Variants in ABCA4 observed in about 807,000 individuals in gnomAD.
ABCA4 encodes ATP binding cassette subfamily A member 4.
ABCA4 carries 196 observed loss-of-function variants against 263.7 expected under a neutral mutation model. The observed-to-expected ratio is 0.74, with a 90% CI of 0.66 to 0.84. ABCA4 has a LOEUF of 0.84. Among genes scored for constraint, ABCA4 ranks in the 40% least tolerant of loss-of-function variants. The pLI is 0.00. For synonymous variants in ABCA4, 1,133 were observed against 1,094.2 expected, an observed-to-expected ratio of 1.04 and a Z score of -0.70; for missense variants, 2,792 against 2,855.1, an observed-to-expected ratio of 0.98 and a Z score of 0.50.
At chr1:94,000,973 C>T in intron 46 of ABCA4, 29 bp downstream of exon 46, 2 of 1,614,044 alleles carry the variant, frequency 1.2e-6, no homozygotes, top group Non-Finnish European at 1.7e-6. Context: ...GATTCCCACC[C>T]ACCTTCCCCA....
intron 10 of ABCA4, 69 bp from the exon 11 acceptor site, chr1:94,077,956 GC>G: frequency 6.7e-7 from 1 of 1,489,894 alleles, no homozygotes; most frequent in Non-Finnish European, 9.3e-7. Context: ...TTGTTCTTCA[GC>G]CATTTCTAAT....
In ABCA4 at chr1:94,042,830, C is replaced by T. The variant is rs61751398; in HGVS notation, c.3259G>A (p.Glu1087Lys). 39 of 1,614,036 alleles carry T rather than the reference C, an allele frequency of 2.4e-5. No homozygotes were observed. Among genetic ancestry groups the T allele is most frequent in the South Asian group, 6.6e-5 (6 of 91,088 alleles). ...TAAGGGTCCACCCCAGAGGTGGGTT[C>T]GTCCAGAATCACCACCTTGGCATCT... is the stretch of plus-strand genomic sequence containing the variant. The part of the protein sequence containing the change: ...VGDAKVVILD[E>K]PTSGVDPYSR... The change falls in exon 22 of 50, where the codon GAA (glutamate) becomes AAA (lysine). Residue 1087 changes from glutamate (E) to lysine (K), a missense_variant. Transcript: ENST00000370225.
intron 3 of ABCA4, 148 bp from the exon 4 acceptor site, chr1:94,108,864 C>T: frequency 9.7e-7 from 1 of 1,032,728 alleles, no homozygotes; most frequent in Non-Finnish European, 1.4e-6. Context: ...GCTCTGCCCC[C>T]CGGGTTCACG....
intron 14 of ABCA4, among the ~76,000 whole-genome samples, chr1:94,059,130 A>G (rs1235127966): frequency 6.6e-6 from 1 of 152,252 alleles, no homozygotes; most frequent in Non-Finnish European, 1.5e-5. Flanking sequence ...CTGCTTATCA[A>G]CAAGCCAGGC....
At chr1:94,013,824 C>A (rs1328801878) in intron 38 of ABCA4, among the ~76,000 whole-genome samples, 2 of 152,118 alleles carry the variant, frequency 1.3e-5, no homozygotes, top group Non-Finnish European at 2.9e-5. Context: ...CAGAGTGTTA[C>A]AATTTCCATA....
intron 26 of ABCA4, among the ~76,000 whole-genome samples, chr1:94,032,374 C>T (rs932718547): frequency 3.9e-5 from 6 of 152,194 alleles, no homozygotes; most frequent in Non-Finnish European, 5.9e-5. Context: ...CGGAGGCTCA[C>T]GCCTGTCATC....
chr1:94,081,815 A>T (rs572521954), intron 7 of ABCA4, among the ~76,000 whole-genome samples: 30 of 152,310 alleles, frequency 2.0e-4, no homozygotes, highest in Non-Finnish European at 3.5e-4. Flanking sequence ...AGAACTCAGG[A>T]GAAGGCTGGT....
At chr1:94,027,438 C>G (rs1660072727) in intron 30 of ABCA4, among the ~76,000 whole-genome samples, 1 of 152,192 alleles carries the variant, frequency 6.6e-6, no homozygotes, top group Non-Finnish European at 1.5e-5. Context: ...GAGGCAGCCA[C>G]AGGAGCCCTC....
chr1:94,043,543 A>G (rs1660579998), intron 20 of ABCA4, 68 bp from the exon 21 acceptor site: 7 of 1,597,750 alleles, frequency 4.4e-6, no homozygotes, highest in Non-Finnish European at 6.0e-6. Flanking sequence ...GATCTTACAG[A>G]AATAATTGAG....
rs1662326723 is a variant in ABCA4, at chr1:94,103,032, G to C, written c.553C>G (p.Gln185Glu). 2 of 1,614,218 alleles carry C rather than the reference G, an allele frequency of 1.2e-6. No homozygotes were observed. The highest frequency in any genetic ancestry group is 2.7e-5 in the African/African-American group (2 of 75,068). Residue 185 changes from glutamine to glutamate, a missense_variant, in exon 5 of 50, where the codon CAA becomes GAA. Gln to Glu is a conservative substitution (Grantham distance 29). Coordinates refer to ENST00000370225, the MANE Select transcript of ABCA4 (RefSeq NM_000350.3). ...CCCCCTACCTGCTCTGGACGGACTTGAGAGTTGATCAGAAGGTAGACCACT... is the reference window on the plus strand; with the variant it reads ...CCCCCTACCTGCTCTGGACGGACTTCAGAGTTGATCAGAAGGTAGACCACT... ...DSVVYLLINS[Q>E]VRPEQFAHGV...
chr1:94,000,803 G>A (rs183744912), intron 47 of ABCA4, 33 bp downstream of exon 47: 7 of 1,604,404 alleles, frequency 4.4e-6, no homozygotes, highest in East Asian at 4.5e-5. Flanking sequence ...ATCCACAGAA[G>A]GCAACAAGGG....
chr1:94,027,124 C>T (rs531906252), intron 30 of ABCA4, among the ~76,000 whole-genome samples: 23 of 152,096 alleles, frequency 1.5e-4, no homozygotes, highest in African/African-American at 4.8e-4. Flanking sequence ...TGTGCATATG[C>T]GTGGCATTCA....
intron 11 of ABCA4, among the ~76,000 whole-genome samples, chr1:94,068,983 G>T (rs1284946909): frequency 6.6e-6 from 1 of 152,214 alleles, no homozygotes; most frequent in Non-Finnish European, 1.5e-5. Flanking sequence ...AACTGCTGTG[G>T]CTGAGCCCAA....
In ABCA4 at chr1:94,021,903, C is replaced by A; in HGVS notation, c.4716G>T (p.Thr1572=). ...IGGKLPVVPI[T]GEALVGFLSD... ...TTAAAAACCCAACAAGTGCTTCCCC[C>A]GTGATGGGGACGACTGGGAGCTTTC... is the stretch of plus-strand genomic sequence containing the variant. Residue 1572 remains threonine (T), a synonymous_variant, in exon 33 of 50, where the codon ACG becomes ACT. Transcript: ENST00000370225. 1 of 1,614,176 alleles carries A rather than the reference C, an allele frequency of 6.2e-7. No homozygotes were observed.
chr1:94,055,753 A>C (rs1660958943), intron 15 of ABCA4, among the ~76,000 whole-genome samples: 1 of 152,214 alleles, frequency 6.6e-6, no homozygotes, highest in South Asian at 2.1e-4. Flanking sequence ...AAATGGCAGC[A>C]ATTGATTTCT....
At chr1:94,048,811 T>C in intron 18 of ABCA4, 57 bp downstream of exon 18, 1 of 1,544,788 alleles carries the variant, frequency 6.5e-7, no homozygotes, top group East Asian at 2.2e-5. Context: ...TCTGGCCCTC[T>C]GCAGTGCTTA....
intron 7 of ABCA4, among the ~76,000 whole-genome samples, chr1:94,082,614 T>A (rs1661731725): frequency 6.6e-6 from 1 of 152,152 alleles, no homozygotes. Context: ...GTTTTCCAGG[T>A]TGGTGGAGCC....
At chr1:94,061,855 C>T (rs1661137316) in intron 13 of ABCA4, among the ~76,000 whole-genome samples, 1 of 152,222 alleles carries the variant, frequency 6.6e-6, no homozygotes, top group Admixed American at 6.5e-5. Context: ...TTTCCTGTGT[C>T]CACACTGAGT....
intron 3 of ABCA4, among the ~76,000 whole-genome samples, chr1:94,109,723 G>A (rs917482507): frequency 3.3e-5 from 5 of 152,328 alleles, no homozygotes; most frequent in African/African-American, 9.6e-5. Flanking sequence ...GTCTTGGCCT[G>A]CCTCTCCTGA....
Sources: gnomAD v4.1 joint callset for allele counts (sites outside exome capture counted in the v4.1 genomes callset) on GRCh38, gnomAD v4.1.1 for gene constraint, MANE v1.5 for transcripts, NCBI Gene and HGNC (gene_info 2026-07-23, HGNC 2026-07-21) for gene names.